Variants in ACACA observed in about 807,000 individuals in gnomAD.
ACACA encodes acetyl-CoA carboxylase 1.
In ACACA, 103 loss-of-function variants were observed where a neutral mutation model predicts 296.1. The observed-to-expected ratio is 0.35, with a 90% CI of 0.30 to 0.41. The LOEUF is 0.41. Ranked by LOEUF, ACACA falls within the 10% of genes least tolerant of loss-of-function variation. ACACA has a pLI of 1.00. For missense variants in ACACA, 1,554 were observed against 2,989.7 expected, an observed-to-expected ratio of 0.52 and a Z score of 11.20; for synonymous variants, 953 against 1,038.6, an observed-to-expected ratio of 0.92 and a Z score of 1.58.
chr17:37,142,226 G>A (rs2075620308), intron 45 of ACACA, among the ~76,000 whole-genome samples: 1 of 152,060 alleles, frequency 6.6e-6, no homozygotes, highest in African/African-American at 2.4e-5. Context: ...GGCTCTCTTA[G>A]AGTCAGAGAC....
At chr17:37,128,274 C>T (rs1030570358) in intron 47 of ACACA, among the ~76,000 whole-genome samples, 1 of 152,074 alleles carries the variant, frequency 6.6e-6, no homozygotes, top group African/African-American at 2.4e-5. Context: ...GTACGAATCA[C>T]TCAACTTCTC....
At chr17:37,184,272 A>G (rs2077442307) in intron 39 of ACACA, among the ~76,000 whole-genome samples, 1 of 152,200 alleles carries the variant, frequency 6.6e-6, no homozygotes, top group Admixed American at 6.5e-5. Flanking sequence ...CTCCTACTCA[A>G]TAGAGACTTC....
At chr17:37,174,018 A>ATTTTTT (rs2077008643) in intron 41 of ACACA, among the ~76,000 whole-genome samples, 7 of 15,432 alleles carry the variant, frequency 4.5e-4, no homozygotes, top group African/African-American at 1.9e-3. Flanking sequence ...ATATATATAT[A>ATTTTTT]TATTTTTTTT....
At chr17:37,278,621 A>C (rs1315207828) in intron 5 of ACACA, among the ~76,000 whole-genome samples, 1 of 152,106 alleles carries the variant, frequency 6.6e-6, no homozygotes, top group Non-Finnish European at 1.5e-5. Flanking sequence ...TAACATCTCT[A>C]TTTTCCTATT....
chr17:37,198,777 A>G (rs1439826675), intron 35 of ACACA, among the ~76,000 whole-genome samples: 1 of 152,232 alleles, frequency 6.6e-6, no homozygotes, highest in African/African-American at 2.4e-5. Context: ...GGTGAACTGT[A>G]TGAAGGAAAA....
chr17:37,245,270 T>C (rs1347117971), intron 19 of ACACA, 56 bp from the exon 20 acceptor site: 1 of 1,586,772 alleles, frequency 6.3e-7, no homozygotes, highest in Non-Finnish European at 8.6e-7. Context: ...AGATGAGTGC[T>C]TAAAAGAACT....
At chr17:37,149,837 T>G in intron 45 of ACACA, 27 bp downstream of exon 45, 1 of 1,582,906 alleles carries the variant, frequency 6.3e-7, no homozygotes, top group African/African-American at 1.3e-5. Context: ...CAGCTATGCA[T>G]ACTTCTTCAA....
At chr17:37,230,361 G>A (rs1212795837) in intron 25 of ACACA, among the ~76,000 whole-genome samples, 3 of 150,760 alleles carry the variant, frequency 2.0e-5, no homozygotes, top group African/African-American at 7.3e-5. Flanking sequence ...TCCAGCCTGG[G>A]CAATAAGAGC....
At chr17:37,104,383 G>T (rs1270360024) in intron 52 of ACACA, among the ~76,000 whole-genome samples, 1 of 152,226 alleles carries the variant, frequency 6.6e-6, no homozygotes, top group Admixed American at 6.5e-5. Context: ...TGCTGGTACT[G>T]TTAAAGTACT....
chr17:37,323,092 T>C (rs1360079086), intron 3 of ACACA, among the ~76,000 whole-genome samples: 1 of 152,260 alleles, frequency 6.6e-6, no homozygotes, highest in Non-Finnish European at 1.5e-5. Flanking sequence ...CTGTAACACA[T>C]GCTCACTTGG....
At chr17:37,159,327 C>T (rs2076374558) in intron 42 of ACACA, among the ~76,000 whole-genome samples, 1 of 152,060 alleles carries the variant, frequency 6.6e-6, no homozygotes, top group South Asian at 2.1e-4. Flanking sequence ...TCAAGCAATT[C>T]TCATGCCTCT....
At chr17:37,363,179 C>CTTTTTTTTTTTTTTTTTTT (rs902746004) in intron 1 of ACACA, among the ~76,000 whole-genome samples, 2 of 72,850 alleles carry the variant, frequency 2.7e-5, no homozygotes, top group Non-Finnish European at 4.7e-5. Flanking sequence ...TTCTCTTTTT[C>CTTTTTTTTTTTTTTTTTTT]TTTTTTTTTT....
chr17:37,226,345 T>C lies in ACACA; in HGVS notation c.3354A>G (p.Ala1118=). The C allele has an allele frequency of 6.2e-7, 1 of 1,613,234 alleles. No homozygotes were observed. Among genetic ancestry groups the C allele is most frequent in the Non-Finnish European group, 8.5e-7 (1 of 1,179,154 alleles). Reference sequence around the variant, plus strand: ...AACCAACAAATGTCCTTACCTGGCGTGCTCGAAGTGCTACTTTGGCATTGG... The same window carrying C: ...AACCAACAAATGTCCTTACCTGGCGCGCTCGAAGTGCTACTTTGGCATTGG... The part of the protein sequence containing the change: ...KTTNAKVALR[A]RQVLIASHLP... The change falls in exon 26 of 56, where the codon GCA becomes GCG. Residue 1118 remains alanine, a synonymous_variant. Coordinates refer to ENST00000616317, the MANE Select transcript of ACACA (RefSeq NM_198834.3).
chr17:37,365,651 T>C (rs2049581553), intron 1 of ACACA: 26 of 985,332 alleles, frequency 2.6e-5, no homozygotes, highest in Non-Finnish European at 3.1e-5. Flanking sequence ...CTCTTTGCTC[T>C]TGTTAATCAC....
At chr17:37,118,907 A>G (rs1439404951) in intron 50 of ACACA, among the ~76,000 whole-genome samples, 1 of 152,186 alleles carries the variant, frequency 6.6e-6, no homozygotes, top group Non-Finnish European at 1.5e-5. Context: ...TCTGGGCCTG[A>G]GCCAAAATAT....
chr17:37,260,263 TA>T (rs2081394481), intron 11 of ACACA, among the ~76,000 whole-genome samples: 2 of 16,904 alleles, frequency 1.2e-4, no homozygotes, highest in African/African-American at 3.5e-4. Context: ...TATATATATA[TA>T]TATATATATA....
At chr17:37,302,059 C>A (rs554814862) in intron 3 of ACACA, among the ~76,000 whole-genome samples, 1 of 152,032 alleles carries the variant, frequency 6.6e-6, no homozygotes, top group Admixed American at 6.5e-5. Context: ...CCACTTACAA[C>A]CTCTGCCATC....
chr17:37,323,544 G>A (rs2047451919), intron 3 of ACACA, among the ~76,000 whole-genome samples: 1 of 152,236 alleles, frequency 6.6e-6, no homozygotes, highest in South Asian at 2.1e-4. Flanking sequence ...AGTGAGCTAT[G>A]ATTGCGCCAC....
chr17:37,359,183 C>T (rs2049292930), intron 1 of ACACA: 1 of 972,438 alleles, frequency 1.0e-6, no homozygotes, highest in South Asian at 4.8e-5. Context: ...CCCTGTCTCC[C>T]ACCTCAGCCG....
Sources: gnomAD v4.1 joint callset for allele counts (sites outside exome capture counted in the v4.1 genomes callset) on GRCh38, gnomAD v4.1.1 for gene constraint, MANE v1.5 for transcripts, NCBI Gene and HGNC (gene_info 2026-07-23, HGNC 2026-07-21) for gene names.